The following GTF2A2 variants were observed in gnomAD, a reference collection of about 807,000 sequenced individuals.
GTF2A2 encodes transcription initiation factor IIA subunit 2.
Under a neutral mutation model 14.3 loss-of-function variants are expected in GTF2A2, and 9 were observed. That is an observed-to-expected ratio of 0.63 (90% confidence interval 0.38 to 1.10). GTF2A2 has a LOEUF of 1.10. GTF2A2 is among the 50% of genes least tolerant of loss of function. The pLI, the probability that GTF2A2 is intolerant of heterozygous loss-of-function variation, is 0.01. For missense variants in GTF2A2, 90 were observed against 124.6 expected (o/e 0.72, Z 1.32); for synonymous variants, 56 against 46.0 (o/e 1.22, Z -0.88).
intron 3 of GTF2A2, 92 bp downstream of exon 3, chr15:59,650,577 T>C: frequency 4.4e-6 from 3 of 681,300 alleles, no homozygotes; most frequent in Non-Finnish European, 7.7e-6. Flanking sequence ...CCTCTTCCTC[T>C]TATGATTAAT....
At chr15:59,642,289 C>T (rs373021830) in intron 3 of GTF2A2, 27 bp from the exon 4 acceptor site, 17 of 1,553,984 alleles carry the variant, frequency 1.1e-5, no homozygotes, top group African/African-American at 2.8e-5. Context: ...TTAGAAATAC[C>T]GTGAAACGTT....
At chr15:59,652,185 A>C in intron 2 of GTF2A2, 21 bp downstream of exon 2, 7 of 1,399,404 alleles carry the variant, frequency 5.0e-6, no homozygotes, top group Non-Finnish European at 7.0e-6. Flanking sequence ...AAAATGTTTG[A>C]TTTTTAATTC....
At position 59,642,647 on chromosome 15, in the gene GTF2A2, A is replaced by G. The variant is rs114345089; in HGVS notation, c.178-385T>C. ...TGTATGTTAATTCTCCAAATGTACA[A>G]AAGCAGGGATTTCTTAGAAACACTA... is the stretch of plus-strand genomic sequence containing the variant. On this transcript the variant is annotated intron_variant, in intron 3 of 4. Coordinates refer to ENST00000396060, the MANE Select transcript of GTF2A2 (RefSeq NM_004492.3). 2.8e-4 allele frequency among the ~76,000 whole-genome samples: 43 copies of G among 152,384 alleles called. 1 individual carries two copies. The highest frequency in any genetic ancestry group is 1.0e-3 in the African/African-American group (43 of 41,598).
intron 3 of GTF2A2, among the ~76,000 whole-genome samples, chr15:59,642,767 GTTTTCA>G (rs1230448802): frequency 2.0e-5 from 3 of 152,028 alleles, no homozygotes; most frequent in African/African-American, 7.2e-5. Flanking sequence ...TTTTTTATAC[GTTTTCA>G]TTTTATTTTT....
Position 59,638,982 on chromosome 15 carries a change from G to C in GTF2A2, c.*150C>G. On this transcript the variant is annotated 3_prime_UTR_variant, in exon 5 of 5. Transcript: ENST00000396060. ...AATAAAGGTGATGTAAGAGGCTACA[G>C]AGTTACAAGTTTCTTTCTACTGGAA... The C allele has an allele frequency of 1.6e-6, 1 of 628,064 alleles. No individual in the cohort carries two copies. The highest frequency in any genetic ancestry group is 2.9e-6 in the Non-Finnish European group (1 of 344,350). The allele number at this position is 628,064 out of a possible 1,614,324, so 38.9% of individuals were successfully genotyped here. A position where few individuals can be genotyped will look rare whatever the true frequency, so the allele number is the denominator to read the frequency against.
intron 2 of GTF2A2, chr15:59,651,059 A>T (rs1891776507): frequency 4.1e-6 from 1 of 244,904 alleles, no homozygotes; most frequent in East Asian, 8.3e-5. Context: ...AGGAGAAGAT[A>T]GACAAAGAGG....
chr15:59,638,988 C>A lies in GTF2A2; in HGVS notation c.*144G>T, dbSNP rs904197929. The A allele has an allele frequency of 4.7e-6, 3 of 633,048 alleles. No homozygotes were observed. Among genetic ancestry groups the A allele is most frequent in the South Asian group, 3.5e-5 (2 of 57,938 alleles). 39.2% of individuals were successfully genotyped at this position (633,048 alleles called of 1,614,324 possible). Reference sequence around the variant, plus strand: ...GGTGATGTAAGAGGCTACAGAGTTACAAGTTTCTTTCTACTGGAATTCTCT... The same window carrying A: ...GGTGATGTAAGAGGCTACAGAGTTAAAAGTTTCTTTCTACTGGAATTCTCT... On this transcript the variant is annotated 3_prime_UTR_variant, in exon 5 of 5. Coordinates refer to ENST00000396060, the MANE Select transcript of GTF2A2 (RefSeq NM_004492.3).
chr15:59,647,319 G>A (rs1419792978), intron 3 of GTF2A2, among the ~76,000 whole-genome samples: 3 of 152,096 alleles, frequency 2.0e-5, no homozygotes, highest in African/African-American at 7.2e-5. Flanking sequence ...GACTGCTCTT[G>A]AACTCCTGCC....
In GTF2A2 at chr15:59,650,654, G is replaced by A. The variant is rs1015875927; in HGVS notation, c.177+15C>T. On this transcript the variant is annotated intron_variant, in intron 3 of 4. Coordinates refer to ENST00000396060, the MANE Select transcript of GTF2A2 (RefSeq NM_004492.3). ...CCATTGGTACAGGCTTCTAGATTCA[G>A]GAAAATATCCTTACCCTGAAATTGA... 6 of 1,442,108 alleles carry A rather than the reference G, an allele frequency of 4.2e-6. No individual in the cohort carries two copies. Among genetic ancestry groups the A allele is most frequent in the Admixed American group, 3.4e-5 (2 of 59,334 alleles). 89.3% of individuals were successfully genotyped at this position (1,442,108 alleles called of 1,614,324 possible). A position where few individuals can be genotyped will look rare whatever the true frequency, so the allele number is the denominator to read the frequency against.
intron 1 of GTF2A2, chr15:59,652,779 T>A (rs1005178786): frequency 6.5e-6 from 1 of 153,688 alleles, no homozygotes; most frequent in East Asian, 1.9e-4. Context: ...AGAGAGAAGA[T>A]GATGATTAAA....
rs1219491358 is a variant in GTF2A2, at chr15:59,638,394, A to T, written c.*738T>A. ...TTCTGCAAGCACAATCCACTGACAT[A>T]AAAGTCTAATAATTAGACTTTATTG... On this transcript the variant is annotated 3_prime_UTR_variant, in exon 5 of 5. Transcript: ENST00000396060. 6.6e-6 allele frequency: 1 copy of T among 152,032 alleles called. No homozygotes were observed. 9.4% of individuals were successfully genotyped at this position (152,032 alleles called of 1,614,324 possible). A position where few individuals can be genotyped will look rare whatever the true frequency, so the allele number is the denominator to read the frequency against.
chr15:59,645,668 T>C (rs1469468969), intron 3 of GTF2A2, among the ~76,000 whole-genome samples: 6 of 152,138 alleles, frequency 3.9e-5, no homozygotes, highest in African/African-American at 1.4e-4. Flanking sequence ...TCTGGAAAGC[T>C]AAACAGCTAG....
intron 3 of GTF2A2, among the ~76,000 whole-genome samples, chr15:59,647,772 G>T (rs1375725697): frequency 6.6e-6 from 1 of 151,822 alleles, no homozygotes; most frequent in African/African-American, 2.4e-5. Flanking sequence ...GTTTCACTGT[G>T]TTGGCCAGTC....
intron 3 of GTF2A2, 55 bp downstream of exon 3, chr15:59,650,614 T>A (rs1034271353): frequency 8.2e-6 from 8 of 976,806 alleles, no homozygotes; most frequent in Non-Finnish European, 4.8e-6. Flanking sequence ...TAAAAAAAAA[T>A]CAGTGTTTTA....
In GTF2A2 at chr15:59,638,886, T is replaced by TATTAAAGAAGGTTCTTAGGA. The variant is rs1891277639; in HGVS notation, c.*226_*245dup. 1 of 406,494 alleles carries TATTAAAGAAGGTTCTTAGGA rather than the reference T, an allele frequency of 2.5e-6. No homozygotes were observed. The highest frequency in any genetic ancestry group is 4.5e-6 in the Non-Finnish European group (1 of 224,352). The allele number at this position is 406,494 out of a possible 1,614,324, so 25.2% of individuals were successfully genotyped here. A position where few individuals can be genotyped will look rare whatever the true frequency, so the allele number is the denominator to read the frequency against. On this transcript the variant is annotated 3_prime_UTR_variant, in exon 5 of 5. Transcript: ENST00000396060. Reference sequence around the variant, plus strand: ...ATTACTCAGAGTTTTAAAATGAGTTTATTAAAGAAGGTTCTTAGGAAGGCA... The same window carrying TATTAAAGAAGGTTCTTAGGA: ...ATTACTCAGAGTTTTAAAATGAGTTTATTAAAGAAGGTTCTTAGGAATTAAAGAAGGTTCTTAGGAAGGCA...
intron 1 of GTF2A2, among the ~76,000 whole-genome samples, chr15:59,656,069 A>T (rs1182937326): frequency 6.6e-6 from 1 of 152,028 alleles, no homozygotes; most frequent in Admixed American, 6.6e-5. Flanking sequence ...CAGTTACAAC[A>T]TACCTCTCCT....
At chr15:59,648,762 C>G (rs1595671811) in intron 3 of GTF2A2, among the ~76,000 whole-genome samples, 2 of 151,800 alleles carry the variant, frequency 1.3e-5, no homozygotes, top group African/African-American at 2.4e-5. Context: ...GTGAAACCCC[C>G]TCTCTACTAA....
At chr15:59,652,423 T>C in intron 1 of GTF2A2, 97 bp from the exon 2 acceptor site, 1 of 574,654 alleles carries the variant, frequency 1.7e-6, no homozygotes, top group Non-Finnish European at 3.1e-6. Flanking sequence ...AATATAGAAC[T>C]AGGAGAACGC....
Position 59,642,070 on chromosome 15 carries a change from G to A in GTF2A2, c.304+66C>T, listed in dbSNP as rs1198635881. 4.8e-6 allele frequency: 7 copies of A among 1,443,356 alleles called. No individual in the cohort carries two copies. In the African/African-American group the frequency reaches 1.0e-4, roughly 21 times the overall value. 89.4% of individuals were successfully genotyped at this position (1,443,356 alleles called of 1,614,324 possible). ...CCGTTAGGCTTTTCATATGGATGCA[G>A]ATCTTCTAAAGGCTCATAAAAACAA... is the stretch of plus-strand genomic sequence containing the variant. On this transcript the variant is annotated intron_variant, in intron 4 of 4. Coordinates refer to ENST00000396060, the MANE Select transcript of GTF2A2 (RefSeq NM_004492.3).
Sources: gnomAD v4.1 joint callset for allele counts (sites outside exome capture counted in the v4.1 genomes callset) on GRCh38, gnomAD v4.1.1 for gene constraint, MANE v1.5 for transcripts, NCBI Gene and HGNC (gene_info 2026-07-23, HGNC 2026-07-21) for gene names.